Variants in GCH1 observed in about 807,000 individuals in gnomAD.
GCH1 encodes the protein GTP cyclohydrolase 1, also known as GTP cyclohydrolase I.
GCH1 carries 5 observed loss-of-function variants against 25.9 expected under a neutral mutation model. That is an observed-to-expected ratio of 0.19 (90% confidence interval 0.10 to 0.41). The LOEUF is 0.41. Among genes scored for constraint, GCH1 ranks in the 10% least tolerant of loss-of-function variants. The pLI is 1.00. For missense variants in GCH1, 261 were observed against 336.5 expected, an observed-to-expected ratio of 0.78 and a Z score of 1.75; for synonymous variants, 159 against 129.6, an observed-to-expected ratio of 1.23 and a Z score of -1.54.
rs1401973688 is a variant in GCH1 at position 54,843,718 on chromosome 14, A to G, written c.*299T>C. 102 of 1,611,516 alleles carry G rather than the reference A, an allele frequency of 6.3e-5. No homozygotes were observed. In the East Asian group the frequency reaches 2.3e-3, roughly 36 times the overall value. On this transcript the variant is annotated 3_prime_UTR_variant, in exon 6 of 6. Transcript: ENST00000491895. ...TTACTGTACTATTTGAAAAAAATAC[A>G]CTAATTCTTCTCCCTTCCCAGGCCC... is the stretch of plus-strand genomic sequence containing the variant.
chr14:54,861,235 C>T (rs989542130), intron 2 of GCH1, among the ~76,000 whole-genome samples: 2 of 152,092 alleles, frequency 1.3e-5, no homozygotes, highest in Admixed American at 1.3e-4. Context: ...CACCTCATTG[C>T]CTTCCTGGTT....
chr14:54,848,691 G>A (rs1262279919), intron 3 of GCH1, among the ~76,000 whole-genome samples: 1 of 152,046 alleles, frequency 6.6e-6, no homozygotes, highest in African/African-American at 2.4e-5. Flanking sequence ...TAACAGGTCC[G>A]CCACCCCGTT....
Position 54,902,659 on chromosome 14 carries a change from T to C in GCH1, c.5A>G (p.Glu2Gly). ...CGCCGGTGCCCGCACAGGGCCCTTC[T>C]CCATGGACCCGCCGCAGCCGCTGCC... M[E>G]KGPVRAPAEK... The change falls in exon 1 of 6, where the codon GAG becomes GGG. Residue 2 changes from glutamate (E) to glycine (G), a missense_variant. Transcript: ENST00000491895. 1 of 1,459,762 alleles carries C rather than the reference T, an allele frequency of 6.9e-7. No individual in the cohort carries two copies. The highest frequency in any genetic ancestry group is 9.0e-7 in the Non-Finnish European group (1 of 1,109,444). The allele number at this position is 1,459,762 out of a possible 1,614,324, so 90.4% of individuals were successfully genotyped here. A position where few individuals can be genotyped will look rare whatever the true frequency, so the allele number is the denominator to read the frequency against.
At chr14:54,844,443 G>A (rs2039610173) in intron 5 of GCH1, among the ~76,000 whole-genome samples, 1 of 152,180 alleles carries the variant, frequency 6.6e-6, no homozygotes, top group Non-Finnish European at 1.5e-5. Flanking sequence ...GGGGAAAAAT[G>A]GAATTTTCTT....
chr14:54,866,970 T>C (rs951121555), intron 1 of GCH1, among the ~76,000 whole-genome samples: 2 of 152,194 alleles, frequency 1.3e-5, no homozygotes, highest in Non-Finnish European at 2.9e-5. Context: ...ATGCTGAATA[T>C]TCTGCCCTAC....
intron 2 of GCH1, among the ~76,000 whole-genome samples, chr14:54,860,406 C>G (rs1442582390): frequency 6.6e-6 from 1 of 152,152 alleles, no homozygotes; most frequent in Non-Finnish European, 1.5e-5. Flanking sequence ...CCATTCCACA[C>G]ATCACAGCAG....
chr14:54,885,918 A>T (rs1316124033), intron 1 of GCH1: 2 of 193,780 alleles, frequency 1.0e-5, no homozygotes, highest in Non-Finnish European at 2.1e-5. Flanking sequence ...CAACAAAAAA[A>T]AACGGGCAAG....
intron 1 of GCH1, 82 bp from the exon 2 acceptor site, chr14:54,865,518 C>A (rs921450891): frequency 2.1e-4 from 156 of 729,772 alleles, no homozygotes; most frequent in Non-Finnish European, 3.6e-4. Context: ...AGACAGTCAA[C>A]ATAAACGAAC....
intron 2 of GCH1, 28 bp from the exon 3 acceptor site, chr14:54,859,764 C>G (rs2140063572): frequency 7.4e-7 from 1 of 1,353,056 alleles, no homozygotes; most frequent in South Asian, 1.2e-5. Flanking sequence ...AAATCATTAG[C>G]TGAGTGAAAA....
chr14:54,871,095 C>A (rs1352417841), intron 1 of GCH1, among the ~76,000 whole-genome samples: 1 of 152,196 alleles, frequency 6.6e-6, no homozygotes, highest in Admixed American at 6.5e-5. Context: ...GGGAGGCACC[C>A]CCAAGGAGGG....
Position 54,902,343 on chromosome 14 carries a change from C to A in GCH1, c.321G>T (p.Lys107Asn). The A allele has an allele frequency of 6.2e-7, 1 of 1,612,856 alleles. No homozygotes were observed. Among genetic ancestry groups the A allele is most frequent in the Non-Finnish European group, 8.5e-7 (1 of 1,179,792 alleles). The change falls in exon 1 of 6, where the codon AAG (lysine) becomes AAT (asparagine). Residue 107 changes from lysine to asparagine, a missense_variant. By Grantham distance (94) the Lys-to-Asn change is moderately conservative. Transcript: ENST00000491895. The stretch of plus-strand genomic sequence containing the variant: ...GACCTGAGATGGTCTCCTGGTAGCC[C>A]TTGGTGAAGAACTGCATGGCCGAGG... Reference protein sequence around the residue: ...RAASAMQFFTKGYQETISDVL... With the variant: ...RAASAMQFFTNGYQETISDVL...
intron 3 of GCH1, among the ~76,000 whole-genome samples, chr14:54,853,430 T>A (rs898052327): frequency 2.0e-5 from 3 of 152,204 alleles, no homozygotes; most frequent in African/African-American, 2.4e-5. Context: ...TGATTTGGGA[T>A]GGGAAAAGGG....
At chr14:54,874,691 C>T (rs1386489069) in intron 1 of GCH1, among the ~76,000 whole-genome samples, 2 of 152,168 alleles carry the variant, frequency 1.3e-5, no homozygotes, top group Non-Finnish European at 2.9e-5. Context: ...CATTTCTATA[C>T]ACCAATAACA....
chr14:54,870,467 C>T (rs757457392), intron 1 of GCH1, among the ~76,000 whole-genome samples: 2 of 151,802 alleles, frequency 1.3e-5, no homozygotes, highest in African/African-American at 4.8e-5. Flanking sequence ...ACTGAGGTAT[C>T]GGGTTCATCT....
chr14:54,880,581 C>T (rs1273165328), intron 1 of GCH1, among the ~76,000 whole-genome samples: 1 of 47,042 alleles, frequency 2.1e-5, no homozygotes, highest in African/African-American at 1.3e-4. Context: ...TATATATATA[C>T]TCCATATATA....
chr14:54,859,113 C>G (rs1284296362), intron 3 of GCH1: 1 of 157,022 alleles, frequency 6.4e-6, no homozygotes, highest in Non-Finnish European at 1.4e-5. Flanking sequence ...AACGGACTGG[C>G]CTGCAGGACC....
chr14:54,856,128 T>C (rs2039807876), intron 3 of GCH1, among the ~76,000 whole-genome samples: 1 of 152,250 alleles, frequency 6.6e-6, no homozygotes, highest in African/African-American at 2.4e-5. Context: ...GCCTTGCTCC[T>C]ACCCTCTGAC....
intron 1 of GCH1, chr14:54,885,974 T>G (rs2040346691): frequency 1.1e-5 from 3 of 271,376 alleles, no homozygotes; most frequent in South Asian, 8.1e-5. Flanking sequence ...TGCTGGAGAC[T>G]ATCAGCATCC....
chr14:54,888,459 T>C (rs1313368942), intron 1 of GCH1, among the ~76,000 whole-genome samples: 1 of 151,862 alleles, frequency 6.6e-6, no homozygotes, highest in East Asian at 1.9e-4. Context: ...AGCATATTAC[T>C]AGCCCAGGCT....
Sources: gnomAD v4.1 joint callset for allele counts (sites outside exome capture counted in the v4.1 genomes callset) on GRCh38, gnomAD v4.1.1 for gene constraint, MANE v1.5 for transcripts, NCBI Gene and HGNC (gene_info 2026-07-23, HGNC 2026-07-21) for gene names.